The following ARHGAP32 variants were observed in gnomAD, a reference collection of about 807,000 sequenced individuals.
ARHGAP32 encodes rho GTPase-activating protein 32.
Under a neutral mutation model 186.5 loss-of-function variants are expected in ARHGAP32, and 51 were observed. The observed-to-expected ratio is 0.27, with a 90% confidence interval of 0.22 to 0.35. The LOEUF (loss-of-function observed/expected upper bound fraction) is 0.35, where lower values mean the gene tolerates loss of function less well. Among genes scored for constraint, ARHGAP32 ranks in the 10% least tolerant of loss-of-function variants. ARHGAP32 has a pLI of 1.00. For missense variants in ARHGAP32, 2,186 were observed against 2,623.5 expected (o/e 0.83, Z 3.64); for synonymous variants, 950 against 964.3 (o/e 0.99, Z 0.27).
chr11:129,136,320 AAAC>A (rs1486630044), intron 2 of ARHGAP32, among the ~76,000 whole-genome samples: 21 of 152,330 alleles, frequency 1.4e-4, no homozygotes, highest in Admixed American at 1.2e-3. Flanking sequence ...TCATGTATAA[AAAC>A]AACGATTACC....
At chr11:129,217,795 G>A (rs903010189) in intron 1 of ARHGAP32, among the ~76,000 whole-genome samples, 8 of 152,210 alleles carry the variant, frequency 5.3e-5, no homozygotes, top group Non-Finnish European at 8.8e-5. Flanking sequence ...ACATATACAC[G>A]TCACTGAAGT....
intron 21 of ARHGAP32, 174 bp downstream of exon 21, chr11:128,973,950 T>G: frequency 9.9e-6 from 7 of 704,580 alleles, no homozygotes; most frequent in South Asian, 4.4e-5. Context: ...TTTTGGGGAG[T>G]TTTGTTGGAC....
chr11:129,242,469 A>G (rs542254325), intron 1 of ARHGAP32, among the ~76,000 whole-genome samples: 1 of 152,350 alleles, frequency 6.6e-6, no homozygotes, highest in Admixed American at 6.5e-5. Flanking sequence ...CTGTAATCCC[A>G]GCACTTTGGG....
chr11:129,055,149 T>C (rs1290434517), intron 10 of ARHGAP32, among the ~76,000 whole-genome samples: 3 of 152,182 alleles, frequency 2.0e-5, no homozygotes, highest in Non-Finnish European at 2.9e-5. Flanking sequence ...AAAGGGAGAA[T>C]AAAAAGAATT....
At chr11:129,056,552 T>A (rs555491283) in intron 10 of ARHGAP32, among the ~76,000 whole-genome samples, 8 of 152,238 alleles carry the variant, frequency 5.3e-5, no homozygotes, top group African/African-American at 1.9e-4. Flanking sequence ...CAGCTCTATT[T>A]TTAAAATATT....
chr11:129,066,853 C>G lies in ARHGAP32; in HGVS notation c.547G>C (p.Val183Leu). 1 of 1,606,102 alleles carries G rather than the reference C, an allele frequency of 6.2e-7. No individual in the cohort carries two copies. Among genetic ancestry groups the G allele is most frequent in the Non-Finnish European group, 8.5e-7 (1 of 1,175,586 alleles). ...QIACQGKSWI[V>L]KRSYEDFRVL... ...CGAAAATCTTCATAACTTCTTTTAA[C>G]AATCCAACTTTTTCCCTATTGGTAG... Residue 183 changes from valine to leucine, a missense_variant, in exon 7 of 23, where the codon GTT (valine) becomes CTT (leucine). Val to Leu is a conservative substitution (Grantham distance 32, BLOSUM62 1). This residue lies in a region of ARHGAP32 where 308 missense variants were observed against 596.5 expected (regional missense o/e 0.52). Transcript: ENST00000682385.
chr11:129,228,170 G>A (rs1944810870), intron 1 of ARHGAP32, among the ~76,000 whole-genome samples: 1 of 152,076 alleles, frequency 6.6e-6, no homozygotes, highest in African/African-American at 2.4e-5. Context: ...AATACTTTGA[G>A]ACAAATGAAA....
intron 1 of ARHGAP32, among the ~76,000 whole-genome samples, chr11:129,268,817 T>C (rs1424677943): frequency 6.6e-6 from 1 of 152,142 alleles, no homozygotes; most frequent in Non-Finnish European, 1.5e-5. Context: ...CTGGATCCTG[T>C]GACTTCTCAT....
Position 128,978,960 on chromosome 11 carries a change from TGTCTTTTCTTACAG to T in ARHGAP32, c.1977-59_1977-46del, listed in dbSNP as rs745480253. On this transcript the variant is annotated intron_variant, in intron 18 of 22. Coordinates refer to ENST00000682385, the MANE Select transcript of ARHGAP32 (RefSeq NM_001378024.1). ...ATCAACATTAAGATAGCCATGGGTC[TGTCTTTTCTTACAG>T]AAAAGAAATGAACACATGACAGAAA... 6 of 1,532,302 alleles carry T rather than the reference TGTCTTTTCTTACAG, an allele frequency of 3.9e-6. No homozygotes were observed. In the South Asian group the frequency reaches 7.5e-5, roughly 19 times the overall value. 94.9% of individuals were successfully genotyped at this position (1,532,302 alleles called of 1,614,324 possible).
chr11:129,069,738 T>G (rs917567473), intron 6 of ARHGAP32, among the ~76,000 whole-genome samples: 1 of 148,792 alleles, frequency 6.7e-6, no homozygotes, highest in Non-Finnish European at 1.5e-5. Flanking sequence ...GAAGATGTAT[T>G]AGGCTTCAAC....
intron 2 of ARHGAP32, among the ~76,000 whole-genome samples, chr11:129,137,393 A>AATTAC (rs1427383073): frequency 6.6e-6 from 1 of 151,912 alleles, no homozygotes; most frequent in Non-Finnish European, 1.5e-5. Context: ...AATTAAATTA[A>AATTAC]AATGGGATGA....
chr11:129,018,153 A>G (rs1938440693), intron 11 of ARHGAP32, among the ~76,000 whole-genome samples: 1 of 152,134 alleles, frequency 6.6e-6, no homozygotes, highest in Non-Finnish European at 1.5e-5. Context: ...CTTTCCTTGT[A>G]TCCTTTGCAG....
At chr11:129,198,273 T>C (rs1005204310) in intron 1 of ARHGAP32, among the ~76,000 whole-genome samples, 3 of 151,958 alleles carry the variant, frequency 2.0e-5, no homozygotes, top group African/African-American at 7.3e-5. Context: ...CCAGAAAAAA[T>C]AGAAATGGAG....
intron 12 of ARHGAP32, among the ~76,000 whole-genome samples, chr11:128,990,941 C>T (rs1946029002): frequency 6.6e-6 from 1 of 152,134 alleles, no homozygotes; most frequent in South Asian, 2.1e-4. Context: ...AATGAGCATG[C>T]TGATTCACCC....
chr11:128,978,968 CT>C, intron 18 of ARHGAP32, 53 bp from the exon 19 acceptor site: 1 of 1,508,452 alleles, frequency 6.6e-7, no homozygotes, highest in East Asian at 2.3e-5. Flanking sequence ...TCTGTCTTTT[CT>C]TACAGAAAAG....
chr11:129,094,981 T>C (rs887118659), intron 5 of ARHGAP32, among the ~76,000 whole-genome samples: 1 of 152,210 alleles, frequency 6.6e-6, no homozygotes, highest in Admixed American at 6.5e-5. Flanking sequence ...TGTACCATTA[T>C]AATTCATACT....
chr11:129,040,237 G>C (rs1939537469), intron 11 of ARHGAP32, among the ~76,000 whole-genome samples: 1 of 151,948 alleles, frequency 6.6e-6, no homozygotes, highest in South Asian at 2.1e-4. Context: ...CTTTTATTGG[G>C]AGGTGGGAAA....
chr11:129,186,274 A>C (rs899672662), intron 1 of ARHGAP32, among the ~76,000 whole-genome samples: 1 of 152,172 alleles, frequency 6.6e-6, no homozygotes, highest in African/African-American at 2.4e-5. Flanking sequence ...CAAAATACTC[A>C]TACAGATAGA....
At position 128,969,841 on chromosome 11, in the gene ARHGAP32, G is replaced by T. The variant is rs1396333879; in HGVS notation, c.5372C>A (p.Thr1791Asn). Residue 1791 changes from threonine to asparagine, a missense_variant, in exon 23 of 23, where the codon ACC becomes AAC. By Grantham distance (65) the Thr-to-Asn change is moderately conservative. Around this residue, in one of 5 missense-constraint regions of ARHGAP32, gnomAD observed 1,502 missense variants for 1,570.0 expected, o/e 0.96. Transcript: ENST00000682385. The surrounding 1 kb of genome is among the most constrained non-coding windows in gnomAD (Gnocchi z 4.8). ...GPVMSQYDNM[T>N]PAVQDDLGGI... Reference sequence around the variant, plus strand: ...ACCCAAGTCGTCCTGCACCGCCGGGGTCATGTTATCATATTGGGACATGAC... The same window carrying T: ...ACCCAAGTCGTCCTGCACCGCCGGGTTCATGTTATCATATTGGGACATGAC... 2 of 1,614,070 alleles carry T rather than the reference G, an allele frequency of 1.2e-6. No individual in the cohort carries two copies. Among genetic ancestry groups the T allele is most frequent in the African/African-American group, 2.7e-5 (2 of 74,914 alleles).
Sources: allele counts gnomAD v4.1 joint callset (sites outside exome capture counted in the v4.1 genomes callset), GRCh38; gene constraint gnomAD v4.1.1; regional missense constraint gnomAD v4.1.1; non-coding constraint Gnocchi (gnomAD v3.1); transcripts MANE v1.5; gene names NCBI Gene and HGNC (gene_info 2026-07-23, HGNC 2026-07-21).